Variants in TBC1D2B observed in about 807,000 individuals in gnomAD.
TBC1D2B encodes TBC1 domain family member 2B.
A neutral mutation model predicts 100.8 loss-of-function variants in TBC1D2B; 64 were observed. The observed-to-expected ratio is 0.64, with a 90% CI of 0.52 to 0.78. The LOEUF is 0.78. TBC1D2B is among the 30% of genes least tolerant of loss of function. The pLI, the probability that TBC1D2B is intolerant of heterozygous loss-of-function variation, is 0.00. For synonymous variants in TBC1D2B, 480 were observed against 479.7 expected (o/e 1.00, Z -0.01); for missense variants, 1,052 against 1,218.4 (o/e 0.86, Z 2.03).
chr15:77,997,909 C>T lies in TBC1D2B; in HGVS notation c.*251G>A. 5.5e-6 allele frequency: 2 copies of T among 362,196 alleles called. No homozygotes were observed. Among genetic ancestry groups the T allele is most frequent in the Non-Finnish European group, 5.0e-6 (1 of 201,600 alleles). 22.4% of individuals were successfully genotyped at this position (362,196 alleles called of 1,614,324 possible). On this transcript the variant is annotated 3_prime_UTR_variant, in exon 13 of 13. Transcript: ENST00000300584. ...ATAGCCACTGGTAAGCCTGAGGATC[C>T]ACCAACCAGGCAGAAAGCGTGACTG...
At chr15:78,063,225 T>G (rs556581017) in intron 1 of TBC1D2B, among the ~76,000 whole-genome samples, 14 of 152,334 alleles carry the variant, frequency 9.2e-5, no homozygotes, top group African/African-American at 3.4e-4. Flanking sequence ...ACTTAACATC[T>G]GTTAAGCTCA....
chr15:78,036,303 C>T lies in TBC1D2B; in HGVS notation c.684-6133G>A, dbSNP rs144970300. 7.9e-5 allele frequency among the ~76,000 whole-genome samples: 12 copies of T among 152,256 alleles called. 1 individual carries two copies. The East Asian group carries it at 2.3e-3, about 29-fold the overall frequency. ...ACAAACACACAACTAAGAAGGCAGG[C>T]CAAATGGGGAAGCTGTCAGGTGGCA... is the stretch of plus-strand genomic sequence containing the variant. On this transcript the variant is annotated intron_variant, in intron 3 of 12. Coordinates refer to ENST00000300584, the MANE Select transcript of TBC1D2B (RefSeq NM_144572.2).
intron 9 of TBC1D2B, 120 bp downstream of exon 9, chr15:78,012,702 CT>C (rs2072261784): frequency 7.8e-6 from 9 of 1,157,254 alleles, no homozygotes; most frequent in Non-Finnish European, 1.0e-5. Context: ...GCTGCAACTA[CT>C]TTTTTCTCTT....
chr15:78,031,332 TCA>T (rs2141719030), intron 3 of TBC1D2B, among the ~76,000 whole-genome samples: 1 of 152,162 alleles, frequency 6.6e-6, no homozygotes, highest in African/African-American at 2.4e-5. Context: ...GGTGGGCATA[TCA>T]CCTGAGGTCA....
At chr15:78,059,127 G>A (rs1008680617) in intron 1 of TBC1D2B, among the ~76,000 whole-genome samples, 1 of 152,226 alleles carries the variant, frequency 6.6e-6, no homozygotes, top group Non-Finnish European at 1.5e-5. Flanking sequence ...TGATCTGGGT[G>A]TACATTTTGT....
In TBC1D2B at chr15:78,028,654, A is replaced by T. The variant is rs568338285; in HGVS notation, c.847+1353T>A. On this transcript the variant is annotated intron_variant, in intron 4 of 12. Transcript: ENST00000300584. ...TGCGATACGATAGGAAGCACGCAGC[A>T]TCTCCCCACCAAAACAGCATTCCTG... is the stretch of plus-strand genomic sequence containing the variant. Among the ~76,000 whole-genome samples the T allele has an allele frequency of 2.0e-5, 3 of 152,356 alleles. No individual in the cohort carries two copies. The South Asian group carries it at 6.2e-4, about 32-fold the overall frequency.
At chr15:78,023,585 T>G (rs1306014732) in intron 6 of TBC1D2B, among the ~76,000 whole-genome samples, 1 of 152,222 alleles carries the variant, frequency 6.6e-6, no homozygotes, top group Non-Finnish European at 1.5e-5. Flanking sequence ...GCCTAAGGGC[T>G]AGCCCAGAGA....
intron 8 of TBC1D2B, among the ~76,000 whole-genome samples, chr15:78,014,175 T>C (rs886952131): frequency 6.6e-6 from 1 of 152,182 alleles, no homozygotes; most frequent in Non-Finnish European, 1.5e-5. Context: ...CAGAAAAAAA[T>C]GCAGCCCTTA....
Position 78,017,963 on chromosome 15 carries a change from A to AG in TBC1D2B, c.1471-7dup, listed in dbSNP as rs1436873512. 1 of 1,478,546 alleles carries AG rather than the reference A, an allele frequency of 6.8e-7. No individual in the cohort carries two copies. The highest frequency in any genetic ancestry group is 1.4e-5 in the African/African-American group (1 of 71,142). The allele number at this position is 1,478,546 out of a possible 1,614,324, so 91.6% of individuals were successfully genotyped here. A position where few individuals can be genotyped will look rare whatever the true frequency, so the allele number is the denominator to read the frequency against. ...TTGTACCCCTGTAGATTATCCTGTT[A>AG]GAAAAAAAAAAAATCCCTGAATTCA... On this transcript the variant is annotated splice_polypyrimidine_tract_variant and splice_region_variant and intron_variant, in intron 6 of 12. Transcript: ENST00000300584.
chr15:78,024,031 TG>T, intron 6 of TBC1D2B, 124 bp downstream of exon 6: 3 of 1,241,708 alleles, frequency 2.4e-6, no homozygotes, highest in Non-Finnish European at 3.2e-6. Context: ...GTTACACTTG[TG>T]GGGAAAAAAA....
chr15:78,058,815 A>C (rs1878719542), intron 1 of TBC1D2B, among the ~76,000 whole-genome samples: 1 of 152,216 alleles, frequency 6.6e-6, no homozygotes, highest in Non-Finnish European at 1.5e-5. Context: ...GTGACAAGGC[A>C]GAGCTCCACA....
rs2073011564 is a variant in TBC1D2B at position 78,038,949 on chromosome 15, G to A, written c.683+5951C>T. Among the ~76,000 whole-genome samples, 7 of 152,272 alleles carry A rather than the reference G, an allele frequency of 4.6e-5. No individual in the cohort carries two copies. In the South Asian group the frequency reaches 1.4e-3, roughly 32 times the overall value. ...CTACTGGGACATAATTGCTAAGCAC[G>A]ACTTCATGCTCCTGGGGGCTATCAG... On this transcript the variant is annotated intron_variant, in intron 3 of 12. Transcript: ENST00000300584.
chr15:78,021,243 T>G (rs570135446), intron 6 of TBC1D2B, among the ~76,000 whole-genome samples: 1 of 152,038 alleles, frequency 6.6e-6, no homozygotes, highest in Non-Finnish European at 1.5e-5. Flanking sequence ...TGAAAACTGG[T>G]CAAGAACAGC....
rs748660684 is a variant in TBC1D2B, at chr15:78,048,961, T to A, written c.515-3893A>T. Among the ~76,000 whole-genome samples, 8 of 152,144 alleles carry A rather than the reference T, an allele frequency of 5.3e-5. 1 individual carries two copies. Among genetic ancestry groups the A allele is most frequent in the Admixed American group, 1.3e-4 (2 of 15,284 alleles). On this transcript the variant is annotated intron_variant, in intron 2 of 12. Transcript: ENST00000300584. Reference sequence around the variant, plus strand: ...AGGAGAAAAGAACACTGGGAAAGGGTTGTACCCATATGCATCAAAGCACAC... The same window carrying A: ...AGGAGAAAAGAACACTGGGAAAGGGATGTACCCATATGCATCAAAGCACAC...
intron 12 of TBC1D2B, among the ~76,000 whole-genome samples, chr15:78,000,132 G>A (rs576405758): frequency 4.1e-4 from 62 of 152,338 alleles, no homozygotes; most frequent in African/African-American, 1.1e-3. Context: ...GCCTGCCGCC[G>A]CCTTGGCACT....
chr15:78,068,348 C>T (rs777828695), intron 1 of TBC1D2B, among the ~76,000 whole-genome samples: 3 of 148,678 alleles, frequency 2.0e-5, no homozygotes, highest in Non-Finnish European at 4.5e-5. Context: ...TACAAACGTC[C>T]GTTTCACCAT....
Position 78,025,428 on chromosome 15 carries a change from T to A in TBC1D2B, c.917A>T (p.Asp306Val). Reference protein sequence around the residue: ...NPYKGKRPLKDIIGSYKNRHS... With the variant: ...NPYKGKRPLKVIIGSYKNRHS... ...ACGATTTTTGTACGACCCAATTATG[T>A]CTTTCAAAGGGCGCTTTCCTTTGTA... Residue 306 changes from aspartate (D) to valine (V), a missense_variant, in exon 5 of 13, where the codon GAC becomes GTC. Asp to Val is a radical substitution (Grantham distance 152, BLOSUM62 -3). Transcript: ENST00000300584. 2 of 1,613,988 alleles carry A rather than the reference T, an allele frequency of 1.2e-6. No individual in the cohort carries two copies. The highest frequency in any genetic ancestry group is 1.7e-6 in the Non-Finnish European group (2 of 1,179,894).
chr15:78,046,618 G>A (rs77059845), intron 2 of TBC1D2B, among the ~76,000 whole-genome samples: 1,650 of 151,932 alleles, frequency 0.011, 17 homozygotes, highest in Non-Finnish European at 0.015. Flanking sequence ...AGGCACGCAC[G>A]ATGCCCAGCT....
At chr15:78,028,240 C>T (rs890982388) in intron 4 of TBC1D2B, among the ~76,000 whole-genome samples, 3 of 152,106 alleles carry the variant, frequency 2.0e-5, no homozygotes, top group Admixed American at 6.6e-5. Flanking sequence ...TTTGGGAGAC[C>T]GAGGTGGACA....
Sources: gnomAD v4.1 joint callset for allele counts (sites outside exome capture counted in the v4.1 genomes callset) on GRCh38, gnomAD v4.1.1 for gene constraint, MANE v1.5 for transcripts, NCBI Gene and HGNC (gene_info 2026-07-23, HGNC 2026-07-21) for gene names.